The following NLRP14 variants were observed in gnomAD, a reference collection of about 807,000 sequenced individuals.
The protein encoded by NLRP14 is NACHT, LRR and PYD domains-containing protein 14.
A neutral mutation model predicts 94.7 loss-of-function variants in NLRP14; 105 were observed. That is an observed-to-expected ratio of 1.11 (90% CI 0.95 to 1.30). The LOEUF (loss-of-function observed/expected upper bound fraction) is 1.30, where lower values mean the gene tolerates loss of function less well. NLRP14 is among the 50% of genes most tolerant of loss of function. The pLI, the probability that NLRP14 is intolerant of heterozygous loss-of-function variation, is 0.00. For missense variants in NLRP14, 1,362 were observed against 1,254.1 expected (o/e 1.09, Z -1.30); for synonymous variants, 508 against 459.9 (o/e 1.10, Z -1.34).
chr11:7,073,028 T>G (rs181409427), downstream of NLRP14, among the ~76,000 whole-genome samples: 1,232 of 152,240 alleles, frequency 8.1e-3, 14 homozygotes, highest in African/African-American at 0.028. Flanking sequence ...CCTGCCCTGC[T>G]CTCATATCTG....
At chr11:7,064,371 T>A (rs921850463) in intron 10 of NLRP14, among the ~76,000 whole-genome samples, 1 of 152,102 alleles carries the variant, frequency 6.6e-6, no homozygotes, top group African/African-American at 2.4e-5. Context: ...CGAGGGTCAG[T>A]CTGTCAGCTG....
intron 10 of NLRP14, among the ~76,000 whole-genome samples, chr11:7,062,721 C>T (rs1479342588): frequency 1.3e-5 from 2 of 152,000 alleles, no homozygotes; most frequent in African/African-American, 4.8e-5. Context: ...CCCTTTAGTA[C>T]CTTGGACAGA....
chr11:7,043,196 ATT>A lies in NLRP14; in HGVS notation c.1171_1172del (p.Leu391AspfsTer15). The A allele has an allele frequency of 6.2e-7, 1 of 1,614,174 alleles. No individual in the cohort carries two copies. The highest frequency in any genetic ancestry group is 8.5e-7 in the Non-Finnish European group (1 of 1,180,024). On this transcript the variant is annotated frameshift_variant, in exon 4 of 12. Transcript: ENST00000299481. LOFTEE classifies it high-confidence loss of function. ...QQMEKGGDVT[L>X]TCQTTTALFT... ...AAATGGAGAAGGGTGGTGATGTCAC[ATT>A]GACCTGCCAAACAACCACAGCTCTG...
In NLRP14 at chr11:7,058,296, C is replaced by G; in HGVS notation, c.2479C>G (p.Leu827Val). 6.2e-7 allele frequency: 1 copy of G among 1,612,480 alleles called. No individual in the cohort carries two copies. Residue 827 changes from leucine to valine, a missense_variant, in exon 8 of 12, where the codon CTC becomes GTC. By Grantham distance (32) the Leu-to-Val change is conservative. Transcript: ENST00000299481. ...LERLSLESCGLTEAGCEYLSL... is the reference protein window; with the variant it reads ...LERLSLESCGVTEAGCEYLSL... The stretch of plus-strand genomic sequence containing the variant: ...CTCTTTCAGCTTAGAAAGCTGTGGT[C>G]TCACAGAGGCTGGCTGTGAGTATCT...
At chr11:7,070,952 C>A (rs758793051) in intron 11 of NLRP14, among the ~76,000 whole-genome samples, 8 of 152,114 alleles carry the variant, frequency 5.3e-5, no homozygotes, top group Admixed American at 2.0e-4. Flanking sequence ...TAATTGGTTT[C>A]TCTTTCTCTT....
downstream of NLRP14, among the ~76,000 whole-genome samples, chr11:7,074,939 C>A (rs1451820297): frequency 6.6e-6 from 1 of 152,136 alleles, no homozygotes; most frequent in African/African-American, 2.4e-5. Context: ...ATAAAGTAAG[C>A]AGATGTCTCA....
intron 5 of NLRP14, 134 bp downstream of exon 5, chr11:7,046,966 A>G (rs1158238020): frequency 1.3e-6 from 1 of 748,524 alleles, no homozygotes. Context: ...AACAGGAACA[A>G]TGGAATCCTC....
At chr11:7,060,271 C>T (rs1039935234) in intron 9 of NLRP14, among the ~76,000 whole-genome samples, 16 of 151,986 alleles carry the variant, frequency 1.1e-4, no homozygotes, top group African/African-American at 3.9e-4. Flanking sequence ...AAACTTTCCT[C>T]AGGTAATGAG....
intron 1 of NLRP14, among the ~76,000 whole-genome samples, chr11:7,035,809 G>A (rs1852153551): frequency 6.6e-6 from 1 of 152,138 alleles, no homozygotes. Context: ...CTAGTCTGGT[G>A]TTCAGCATAG....
At chr11:7,070,172 C>A in intron 10 of NLRP14, 114 bp from the exon 11 acceptor site, 1 of 747,368 alleles carries the variant, frequency 1.3e-6, no homozygotes, top group Non-Finnish European at 2.4e-6. Context: ...ACTAACTGTG[C>A]TCATTTTTTA....
the NLRP14 span, among the ~76,000 whole-genome samples, chr11:7,081,706 T>C: frequency 1.1e-4 from 17 of 152,260 alleles, no homozygotes; most frequent in South Asian, 2.7e-3. Flanking sequence ...GGGAAAAGTG[T>C]ACAGTTTCCA....
intron 6 of NLRP14, among the ~76,000 whole-genome samples, chr11:7,052,343 T>G (rs543079844): frequency 1.3e-5 from 2 of 152,232 alleles, no homozygotes; most frequent in East Asian, 1.9e-4. Flanking sequence ...ACTAGAATAG[T>G]TAGATAAGGC....
At chr11:7,079,005 C>A in the NLRP14 span, among the ~76,000 whole-genome samples, 1 of 152,254 alleles carries the variant, frequency 6.6e-6, no homozygotes, top group Admixed American at 6.5e-5. Flanking sequence ...TTTCCCTGAC[C>A]TTTCTAGTTG....
At chr11:7,080,743 A>T in the NLRP14 span, among the ~76,000 whole-genome samples, 2 of 152,226 alleles carry the variant, frequency 1.3e-5, no homozygotes, top group Non-Finnish European at 2.9e-5. Flanking sequence ...CACCAAGGGG[A>T]AAAAGAGATA....
At chr11:7,074,559 C>A (rs1323874384), downstream of NLRP14, among the ~76,000 whole-genome samples, 1 of 152,210 alleles carries the variant, frequency 6.6e-6, no homozygotes, top group Non-Finnish European at 1.5e-5. Flanking sequence ...ACCAGACTGT[C>A]AGAAAAAGGA....
At chr11:7,051,813 G>C (rs1270345625) in intron 6 of NLRP14, among the ~76,000 whole-genome samples, 2 of 151,884 alleles carry the variant, frequency 1.3e-5, no homozygotes, top group Admixed American at 6.6e-5. Context: ...AGTAGAGATG[G>C]GGTTTCACCA....
chr11:7,049,134 C>T (rs1308268685), intron 5 of NLRP14, among the ~76,000 whole-genome samples: 10 of 152,110 alleles, frequency 6.6e-5, no homozygotes, highest in Non-Finnish European at 1.5e-4. Flanking sequence ...TCAGAAATAT[C>T]TGACATTGAC....
chr11:7,060,140 G>T, intron 9 of NLRP14, 76 bp downstream of exon 9: 10 of 1,261,922 alleles, frequency 7.9e-6, no homozygotes, highest in South Asian at 1.2e-5. Context: ...GAAAGGCTGA[G>T]AACCGAGCAT....
At chr11:7,050,973 A>G (rs979692381) in intron 6 of NLRP14, among the ~76,000 whole-genome samples, 1 of 152,220 alleles carries the variant, frequency 6.6e-6, no homozygotes, top group Non-Finnish European at 1.5e-5. Context: ...AAGAGGAAAG[A>G]TGTTTTCTTA....
Sources: gnomAD v4.1 joint callset for allele counts (sites outside exome capture counted in the v4.1 genomes callset) on GRCh38, gnomAD v4.1.1 for gene constraint, MANE v1.5 for transcripts, NCBI Gene and HGNC (gene_info 2026-07-23, HGNC 2026-07-21) for gene names.